The following TMEM117 variants were observed in gnomAD, a reference collection of about 807,000 sequenced individuals.
TMEM117 encodes the protein transmembrane protein 117.
In TMEM117, 27 loss-of-function variants were observed where a neutral mutation model predicts 52.4. That is an observed-to-expected ratio of 0.51 (90% CI 0.38 to 0.71). The LOEUF is 0.71. Among genes scored for constraint, TMEM117 ranks in the 30% least tolerant of loss-of-function variants. The pLI, the probability that TMEM117 is intolerant of heterozygous loss-of-function variation, is 0.00. For missense variants in TMEM117, 556 were observed against 630.5 expected (o/e 0.88, Z 1.26); for synonymous variants, 215 against 206.3 (o/e 1.04, Z -0.36).
At chr12:44,057,103 T>TA (rs1947068006) in intron 3 of TMEM117, among the ~76,000 whole-genome samples, 3 of 152,214 alleles carry the variant, frequency 2.0e-5, no homozygotes, top group Admixed American at 2.0e-4. Context: ...TGTGTAACTT[T>TA]AAAAGTTATA....
At chr12:44,363,812 T>C (rs1052663501) in intron 6 of TMEM117, among the ~76,000 whole-genome samples, 17 of 152,078 alleles carry the variant, frequency 1.1e-4, no homozygotes, top group African/African-American at 3.9e-4. Context: ...GAGTGTGTAG[T>C]TGTTAGAGTG....
Position 44,378,003 on chromosome 12 carries a change from G to A in TMEM117, c.898+1279G>A, listed in dbSNP as rs140606304. ...GGTAAATCAATCAATTTGAGTTCAGGTCACATAGTCTGGTTTCAGAGTCCC... is the reference window on the plus strand; with the variant it reads ...GGTAAATCAATCAATTTGAGTTCAGATCACATAGTCTGGTTTCAGAGTCCC... On this transcript the variant is annotated intron_variant, in intron 7 of 7. Transcript: ENST00000266534. Among the ~76,000 whole-genome samples, 422 of 152,240 alleles carry A rather than the reference G, an allele frequency of 2.8e-3. 5 individuals carry two copies. The highest frequency in any genetic ancestry group is 1.8e-3 in the Non-Finnish European group (121 of 68,014).
intron 2 of TMEM117, among the ~76,000 whole-genome samples, chr12:43,891,603 T>C (rs897292284): frequency 2.8e-4 from 42 of 151,992 alleles, no homozygotes; most frequent in African/African-American, 9.6e-4. Flanking sequence ...CCTGACCTCA[T>C]GATCCACCCG....
chr12:44,069,342 G>A (rs1947267020), intron 3 of TMEM117, among the ~76,000 whole-genome samples: 1 of 152,170 alleles, frequency 6.6e-6, no homozygotes, highest in African/African-American at 2.4e-5. Context: ...TAGTCTGATA[G>A]AGGGTGAAAT....
chr12:44,019,829 T>C (rs1946428425), intron 3 of TMEM117, among the ~76,000 whole-genome samples: 1 of 152,214 alleles, frequency 6.6e-6, no homozygotes. Flanking sequence ...AAAGGCTCTA[T>C]GAACGTGAGT....
chr12:44,276,851 T>C (rs921035135), intron 5 of TMEM117, among the ~76,000 whole-genome samples: 5 of 152,058 alleles, frequency 3.3e-5, no homozygotes, highest in African/African-American at 1.2e-4. Context: ...AGACCTGTTT[T>C]TTTTCCTTTG....
chr12:44,200,013 G>T (rs1030167474), intron 4 of TMEM117, among the ~76,000 whole-genome samples: 4 of 152,144 alleles, frequency 2.6e-5, no homozygotes, highest in Admixed American at 6.5e-5. Context: ...AGCTACACAG[G>T]AGGCTGAGAG....
intron 3 of TMEM117, among the ~76,000 whole-genome samples, chr12:44,096,406 G>A (rs1001243327): frequency 6.6e-6 from 1 of 151,970 alleles, no homozygotes; most frequent in African/African-American, 2.4e-5. Context: ...ACATCGCCAA[G>A]TCAATCCTAA....
At chr12:44,175,401 A>C (rs539788429) in intron 4 of TMEM117, among the ~76,000 whole-genome samples, 1 of 152,308 alleles carries the variant, frequency 6.6e-6, no homozygotes, top group South Asian at 2.1e-4. Flanking sequence ...GAGCACTAGA[A>C]GAAGAGCAGT....
chr12:44,096,333 T>A (rs948676562), intron 3 of TMEM117, among the ~76,000 whole-genome samples: 27 of 152,010 alleles, frequency 1.8e-4, no homozygotes, highest in African/African-American at 6.0e-4. Flanking sequence ...AAGCTACCAA[T>A]GACTTTCTTC....
chr12:43,875,947 A>G (rs1943788297), intron 2 of TMEM117, among the ~76,000 whole-genome samples: 1 of 152,214 alleles, frequency 6.6e-6, no homozygotes, highest in Admixed American at 6.5e-5. Context: ...TTCATATGGA[A>G]TAATTCTGAT....
chr12:44,338,041 GCTTTCAGAAT>G lies in TMEM117; in HGVS notation c.768+38306_768+38315del, dbSNP rs1445817953. 5.3e-5 allele frequency among the ~76,000 whole-genome samples: 8 copies of G among 152,166 alleles called. No individual in the cohort carries two copies. In the East Asian group the frequency reaches 1.5e-3, roughly 29 times the overall value. Reference sequence around the variant, plus strand: ...TTACAGGCTTTACGTTAGAGCTAAAGCTTTCAGAATCTTGTTTTAAAATATTTTATAAGAA... The same window carrying G: ...TTACAGGCTTTACGTTAGAGCTAAAGCTTGTTTTAAAATATTTTATAAGAA... On this transcript the variant is annotated intron_variant, in intron 6 of 7. Transcript: ENST00000266534.
At chr12:44,136,568 C>G (rs1222540718) in intron 3 of TMEM117, among the ~76,000 whole-genome samples, 1 of 151,768 alleles carries the variant, frequency 6.6e-6, no homozygotes, top group Non-Finnish European at 1.5e-5. Flanking sequence ...ATTTTGTTTC[C>G]TTTTTTTCAT....
At position 44,336,645 on chromosome 12, in the gene TMEM117, T is replaced by C. The variant is rs116560614; in HGVS notation, c.768+36906T>C. On this transcript the variant is annotated intron_variant, in intron 6 of 7. Transcript: ENST00000266534. ...TTCCTGGTTTTATGTTTTAGAGAAA[T>C]CCATTAGGCATTGGAAAAGTGCCTG... Among the ~76,000 whole-genome samples the C allele has an allele frequency of 6.0e-3, 912 of 151,968 alleles. 12 individuals carry two copies. Among genetic ancestry groups the C allele is most frequent in the African/African-American group, 0.02 (825 of 41,488 alleles).
chr12:44,020,990 A>T (rs933226857), intron 3 of TMEM117, among the ~76,000 whole-genome samples: 2 of 152,154 alleles, frequency 1.3e-5, no homozygotes, highest in African/African-American at 4.8e-5. Flanking sequence ...CAGGGTAATG[A>T]AGTAGTTTGT....
chr12:44,380,774 A>T (rs1418047248), intron 7 of TMEM117, among the ~76,000 whole-genome samples: 2 of 152,114 alleles, frequency 1.3e-5, no homozygotes, highest in Non-Finnish European at 2.9e-5. Flanking sequence ...CTGGCCAGAG[A>T]TTGTCTTTCC....
chr12:44,173,017 G>A (rs771651375), intron 4 of TMEM117, among the ~76,000 whole-genome samples: 11 of 152,238 alleles, frequency 7.2e-5, no homozygotes, highest in East Asian at 1.9e-4. Context: ...GGGCCACCGC[G>A]CCCGGCCGCA....
chr12:44,124,741 C>T (rs1377703143), intron 3 of TMEM117, among the ~76,000 whole-genome samples: 2 of 152,140 alleles, frequency 1.3e-5, no homozygotes, highest in Non-Finnish European at 2.9e-5. Context: ...CCTTGCATCC[C>T]AGGGATGAAG....
At chr12:44,129,369 T>C (rs1362736316) in intron 3 of TMEM117, among the ~76,000 whole-genome samples, 1 of 152,198 alleles carries the variant, frequency 6.6e-6, no homozygotes, top group African/African-American at 2.4e-5. Context: ...GCCTGTGTGC[T>C]TCCCATCTTG....
Sources: allele counts gnomAD v4.1 joint callset (sites outside exome capture counted in the v4.1 genomes callset), GRCh38; gene constraint gnomAD v4.1.1; transcripts MANE v1.5; gene names NCBI Gene and HGNC (gene_info 2026-07-23, HGNC 2026-07-21).